Variants in ADK observed in about 807,000 individuals in gnomAD.
The protein encoded by ADK is N6,N6-dimethyladenosine kinase.
In ADK, 24 loss-of-function variants were observed where a neutral mutation model predicts 44.7. The ratio of observed to expected loss-of-function variants is 0.54; its 90% CI spans 0.39 to 0.76. The LOEUF is 0.76. Ranked by LOEUF, ADK falls within the 30% of genes least tolerant of loss-of-function variation. The probability of loss-of-function intolerance (pLI) is 0.00; values close to 1 mark genes in which losing one functional copy is unlikely to be tolerated. For synonymous variants in ADK, 128 were observed against 142.6 expected (o/e 0.90, Z 0.73); for missense variants, 321 against 425.1 (o/e 0.76, Z 2.15).
chr10:74,668,816 C>T (rs963887324), intron 9 of ADK, among the ~76,000 whole-genome samples: 18 of 152,118 alleles, frequency 1.2e-4, no homozygotes, highest in South Asian at 2.1e-4. Context: ...GAGGATTGCT[C>T]GAGCACAGGA....
chr10:74,646,395 GT>G (rs1302176648), intron 9 of ADK, among the ~76,000 whole-genome samples: 1 of 152,184 alleles, frequency 6.6e-6, no homozygotes, highest in East Asian at 1.9e-4. Flanking sequence ...AGTAGGTTAT[GT>G]TCCTTAGAAT....
chr10:74,201,668 GTATGTATGTATCTATCTATC>G (rs1256696254), intron 2 of ADK, among the ~76,000 whole-genome samples: 12 of 123,992 alleles, frequency 9.7e-5, no homozygotes, highest in South Asian at 5.0e-4. Flanking sequence ...ATGTATGTAT[GTATGTATGTATCTATCTATC>G]TATCTATCTA....
intron 6 of ADK, among the ~76,000 whole-genome samples, chr10:74,456,687 A>G (rs1263760459): frequency 4.6e-5 from 7 of 151,270 alleles, no homozygotes; most frequent in African/African-American, 1.5e-4. Context: ...AAAAAAAAAA[A>G]AAACCTCACT....
intron 3 of ADK, among the ~76,000 whole-genome samples, chr10:74,253,205 T>C (rs1475264664): frequency 1.3e-5 from 2 of 152,230 alleles, no homozygotes; most frequent in African/African-American, 4.8e-5. Flanking sequence ...GGTGGTGTTA[T>C]AGCTCGGTGA....
chr10:74,408,784 A>G (rs1297351045), intron 6 of ADK, among the ~76,000 whole-genome samples: 1 of 152,192 alleles, frequency 6.6e-6, no homozygotes, highest in Non-Finnish European at 1.5e-5. Flanking sequence ...CATTAAGTGG[A>G]AATGGATCAT....
chr10:74,366,889 C>G (rs1301745303), intron 4 of ADK, among the ~76,000 whole-genome samples: 1 of 152,170 alleles, frequency 6.6e-6, no homozygotes, highest in Non-Finnish European at 1.5e-5. Flanking sequence ...AAGATTGTGC[C>G]TCTGCACTCC....
At chr10:74,612,122 C>T (rs748329941) in intron 9 of ADK, among the ~76,000 whole-genome samples, 10 of 152,044 alleles carry the variant, frequency 6.6e-5, no homozygotes, top group East Asian at 1.9e-4. Flanking sequence ...TCTGTATCCT[C>T]GCCAATGTGT....
At chr10:74,302,101 G>GTTTTTTTTTTTTTTTTTTTT (rs1564642239) in intron 3 of ADK, among the ~76,000 whole-genome samples, 2 of 11,708 alleles carry the variant, frequency 1.7e-4, no homozygotes, top group African/African-American at 2.8e-4. Context: ...TTTTTTTTTT[G>GTTTTTTTTTTTTTTTTTTTT]TTTGTTTGTT....
At chr10:74,445,589 A>G (rs1845564366) in intron 6 of ADK, among the ~76,000 whole-genome samples, 1 of 152,040 alleles carries the variant, frequency 6.6e-6, no homozygotes. Context: ...TGTAATAACA[A>G]ATGTGTTAGT....
chr10:74,308,288 T>C (rs968655262), intron 3 of ADK, among the ~76,000 whole-genome samples: 2 of 152,172 alleles, frequency 1.3e-5, no homozygotes, highest in African/African-American at 4.8e-5. Context: ...ATCAAAAAAA[T>C]AAAATTGGAG....
intron 3 of ADK, among the ~76,000 whole-genome samples, chr10:74,287,462 T>G (rs942288378): frequency 7.0e-6 from 1 of 141,990 alleles, no homozygotes. Context: ...AGACTCCGTC[T>G]CAAAAAAAAA....
chr10:74,335,723 C>T (rs1018975508), intron 4 of ADK, among the ~76,000 whole-genome samples: 1 of 152,154 alleles, frequency 6.6e-6, no homozygotes, highest in Non-Finnish European at 1.5e-5. Context: ...TTTATTACTA[C>T]ATCAATTGTA....
At chr10:74,472,359 A>G (rs927317080) in intron 6 of ADK, among the ~76,000 whole-genome samples, 5 of 151,918 alleles carry the variant, frequency 3.3e-5, no homozygotes, top group African/African-American at 1.2e-4. Flanking sequence ...TTTTTATTTA[A>G]TTATAAAAAG....
chr10:74,310,797 T>C (rs1479610424), intron 3 of ADK, among the ~76,000 whole-genome samples: 9 of 152,164 alleles, frequency 5.9e-5, no homozygotes, highest in Admixed American at 5.9e-4. Context: ...GTTTAACTGG[T>C]TTTTCTGAAT....
intron 6 of ADK, among the ~76,000 whole-genome samples, chr10:74,446,157 T>G (rs991010861): frequency 6.6e-6 from 1 of 152,094 alleles, no homozygotes; most frequent in Non-Finnish European, 1.5e-5. Flanking sequence ...GATTTAAGAC[T>G]GATAATTTAT....
At chr10:74,375,569 T>C (rs1307781107) in intron 4 of ADK, among the ~76,000 whole-genome samples, 2 of 152,190 alleles carry the variant, frequency 1.3e-5, no homozygotes. Context: ...TTACTACCTA[T>C]TTACACTTGG....
At chr10:74,410,823 T>A (rs946346814) in intron 6 of ADK, among the ~76,000 whole-genome samples, 1 of 152,252 alleles carries the variant, frequency 6.6e-6, no homozygotes. Flanking sequence ...TGATTTTTTT[T>A]TATAATTTAA....
chr10:74,586,571 G>A (rs935960623), intron 7 of ADK, among the ~76,000 whole-genome samples: 1 of 151,832 alleles, frequency 6.6e-6, no homozygotes, highest in African/African-American at 2.4e-5. Context: ...TAATTTTTTT[G>A]GGCTGGGCAT....
chr10:74,259,346 C>A (rs1006982177), intron 3 of ADK, among the ~76,000 whole-genome samples: 1 of 151,170 alleles, frequency 6.6e-6, no homozygotes, highest in Non-Finnish European at 1.5e-5. Flanking sequence ...ATAATTAACT[C>A]AAAAATCTTT....
Sources: allele counts gnomAD v4.1 joint callset (sites outside exome capture counted in the v4.1 genomes callset), GRCh38; gene constraint gnomAD v4.1.1; transcripts MANE v1.5; gene names NCBI Gene and HGNC (gene_info 2026-07-23, HGNC 2026-07-21).